NOSTRIN: variants seen among roughly 807,000 people sequenced by gnomAD.
NOSTRIN encodes nitric oxide synthase trafficking.
A neutral mutation model predicts 59.0 loss-of-function variants in NOSTRIN; 63 were observed. The ratio of observed to expected loss-of-function variants is 1.07; its 90% confidence interval spans 0.87 to 1.32. The LOEUF (loss-of-function observed/expected upper bound fraction) is 1.32, where lower values mean the gene tolerates loss of function less well. Ranked by LOEUF, NOSTRIN falls within the 40% of genes most tolerant of loss-of-function variation. The pLI is 0.00. For synonymous variants in NOSTRIN, 200 were observed against 165.4 expected (o/e 1.21, Z -1.61); for missense variants, 512 against 473.1 (o/e 1.08, Z -0.76).
chr2:168,817,016 C>A (rs1381757473), intron 2 of NOSTRIN, among the ~76,000 whole-genome samples: 4 of 152,212 alleles, frequency 2.6e-5, no homozygotes, highest in African/African-American at 9.6e-5. Flanking sequence ...AATAAAATCA[C>A]AGGAGAGACC....
rs1037559544 is a variant in NOSTRIN, at chr2:168,860,706, T to G, written c.1180-89T>G. 4 of 825,894 alleles carry G rather than the reference T, an allele frequency of 4.8e-6. No homozygotes were observed. In the African/African-American group the frequency reaches 7.0e-5, roughly 14 times the overall value. The allele number at this position is 825,894 out of a possible 1,614,324, so 51.2% of individuals were successfully genotyped here. Reference sequence around the variant, plus strand: ...AGAAAAAACAAACAGAAAAAACAACTTGAGGAAAACAGCTACAGAAGAGTT... The same window carrying G: ...AGAAAAAACAAACAGAAAAAACAACGTGAGGAAAACAGCTACAGAAGAGTT... On this transcript the variant is annotated intron_variant, in intron 13 of 15. Coordinates refer to ENST00000317647, the MANE Select transcript of NOSTRIN (RefSeq NM_001039724.4).
intron 2 of NOSTRIN, among the ~76,000 whole-genome samples, chr2:168,792,077 G>C (rs1371881758): frequency 1.3e-5 from 2 of 152,090 alleles, no homozygotes; most frequent in Non-Finnish European, 2.9e-5. Context: ...GTCCTGAATG[G>C]TATTGCCTAG....
At chr2:168,840,139 A>T (rs1301567726) in intron 7 of NOSTRIN, among the ~76,000 whole-genome samples, 1 of 152,008 alleles carries the variant, frequency 6.6e-6, no homozygotes, top group Non-Finnish European at 1.5e-5. Context: ...GAGTATAACC[A>T]TGACTCTCTT....
chr2:168,847,128 C>A (rs1366211363), intron 8 of NOSTRIN, among the ~76,000 whole-genome samples: 1 of 152,160 alleles, frequency 6.6e-6, no homozygotes, highest in Non-Finnish European at 1.5e-5. Context: ...GTGGTATTTT[C>A]AGAGACTAAT....
chr2:168,840,390 C>T (rs1203520612), intron 7 of NOSTRIN, among the ~76,000 whole-genome samples: 3 of 151,840 alleles, frequency 2.0e-5, no homozygotes, highest in African/African-American at 4.8e-5. Flanking sequence ...ATTAGCCGGG[C>T]GTGGTGGCAG....
chr2:168,795,197 C>T (rs1333430763), upstream of NOSTRIN, among the ~76,000 whole-genome samples: 1 of 146,792 alleles, frequency 6.8e-6, no homozygotes. Context: ...ACTTTATTTA[C>T]ATATGCAGAA....
chr2:168,824,330 G>A (rs1347729997), intron 2 of NOSTRIN, among the ~76,000 whole-genome samples: 2 of 151,218 alleles, frequency 1.3e-5, no homozygotes, highest in Non-Finnish European at 2.9e-5. Context: ...ATGGAGTCTC[G>A]CTTTGTCACC....
chr2:168,859,743 T>A, intron 13 of NOSTRIN, 106 bp downstream of exon 13: 2 of 1,359,216 alleles, frequency 1.5e-6, no homozygotes, highest in South Asian at 1.5e-5. Flanking sequence ...TATGTGATAT[T>A]AATATTCATG....
chr2:168,863,774 C>T (rs183055026), intron 15 of NOSTRIN: 51 of 478,780 alleles, frequency 1.1e-4, no homozygotes, highest in African/African-American at 5.1e-4. Context: ...GCAGCCAACA[C>T]GCCAAACAAT....
At chr2:168,849,923 T>TTTTTG (rs1688657302) in intron 8 of NOSTRIN, among the ~76,000 whole-genome samples, 1 of 24,650 alleles carries the variant, frequency 4.1e-5, no homozygotes, top group South Asian at 1.5e-3. Flanking sequence ...TTCTCATTTT[T>TTTTTG]TTTTTTTTTT....
At chr2:168,803,473 CTG>C (rs1685695399) in intron 1 of NOSTRIN, among the ~76,000 whole-genome samples, 1 of 152,074 alleles carries the variant, frequency 6.6e-6, no homozygotes, top group Admixed American at 6.6e-5. Context: ...ATAACACAAA[CTG>C]TGGGGCGGCA....
intron 7 of NOSTRIN, among the ~76,000 whole-genome samples, chr2:168,837,219 G>A (rs1687777219): frequency 6.6e-6 from 1 of 151,158 alleles, no homozygotes; most frequent in African/African-American, 2.4e-5. Flanking sequence ...TTATTTATGG[G>A]GTCTCACATT....
At chr2:168,838,563 GCTTTT>G (rs1687873027) in intron 7 of NOSTRIN, among the ~76,000 whole-genome samples, 1 of 151,756 alleles carries the variant, frequency 6.6e-6, no homozygotes, top group Admixed American at 6.6e-5. Flanking sequence ...GAATATCTTT[GCTTTT>G]GTCTATCTCC....
intron 3 of NOSTRIN, 71 bp downstream of exon 3, chr2:168,824,788 G>T: frequency 2.5e-6 from 2 of 784,472 alleles, no homozygotes; most frequent in Non-Finnish European, 4.5e-6. Flanking sequence ...TTGTTTGTTT[G>T]TTTTTTGAGA....
At chr2:168,797,641 T>C (rs1685521046), upstream of NOSTRIN, among the ~76,000 whole-genome samples, 1 of 151,724 alleles carries the variant, frequency 6.6e-6, no homozygotes, top group African/African-American at 2.4e-5. Context: ...CAGTTCTTTT[T>C]TTAAAATTAA....
chr2:168,851,416 A>G lies in NOSTRIN; in HGVS notation c.855+12A>G. 6.3e-7 allele frequency: 1 copy of G among 1,594,302 alleles called. No individual in the cohort carries two copies. Among genetic ancestry groups the G allele is most frequent in the Non-Finnish European group, 8.5e-7 (1 of 1,174,320 alleles). ...TAACGGATTACTTTGTGAGTATGAAATGGAAAAAAAAAGTTACATTAATGG... is the reference window on the plus strand; with the variant it reads ...TAACGGATTACTTTGTGAGTATGAAGTGGAAAAAAAAAGTTACATTAATGG... On this transcript the variant is annotated intron_variant, in intron 10 of 15. Coordinates refer to ENST00000317647, the MANE Select transcript of NOSTRIN (RefSeq NM_001039724.4).
chr2:168,829,556 G>C (rs758535700), intron 5 of NOSTRIN, among the ~76,000 whole-genome samples: 1 of 152,152 alleles, frequency 6.6e-6, no homozygotes, highest in Non-Finnish European at 1.5e-5. Context: ...CCTGACCTCA[G>C]GTGATCCGCC....
At chr2:168,797,559 A>AC (rs1366556028), upstream of NOSTRIN, among the ~76,000 whole-genome samples, 3 of 152,240 alleles carry the variant, frequency 2.0e-5, no homozygotes, top group Non-Finnish European at 4.4e-5. Context: ...AGCTATAAGG[A>AC]CTTCCCACTG....
intron 2 of NOSTRIN, among the ~76,000 whole-genome samples, chr2:168,820,648 T>C (rs1179749026): frequency 1.3e-5 from 2 of 151,534 alleles, no homozygotes; most frequent in Non-Finnish European, 2.9e-5. Context: ...GTTGAACCTC[T>C]TTAGGCTGGT....
Sources: allele counts gnomAD v4.1 joint callset (sites outside exome capture counted in the v4.1 genomes callset), GRCh38; gene constraint gnomAD v4.1.1; transcripts MANE v1.5; gene names NCBI Gene and HGNC (gene_info 2026-07-23, HGNC 2026-07-21).